Variants in CCBE1 observed in about 807,000 individuals in gnomAD.
The protein encoded by CCBE1 is collagen and calcium-binding EGF domain-containing protein 1.
In CCBE1, 37 loss-of-function variants were observed where a neutral mutation model predicts 50.0. The observed-to-expected ratio is 0.74, with a 90% CI of 0.57 to 0.97. The LOEUF (loss-of-function observed/expected upper bound fraction) is 0.97. Among genes scored for constraint, CCBE1 ranks in the 50% least tolerant of loss-of-function variants. The probability of loss-of-function intolerance (pLI) is 0.00; values close to 1 mark genes in which losing one functional copy is unlikely to be tolerated. For missense variants in CCBE1, 538 were observed against 523.8 expected (o/e 1.03, Z -0.26); for synonymous variants, 234 against 203.7 (o/e 1.15, Z -1.27).
intron 2 of CCBE1, among the ~76,000 whole-genome samples, chr18:59,648,950 A>G: frequency 6.6e-6 from 1 of 152,236 alleles, no homozygotes; most frequent in South Asian, 2.1e-4. Flanking sequence ...AATTGGTGTC[A>G]TCAGCTGATA....
At chr18:59,639,735 A>G (rs1198433425) in intron 2 of CCBE1, among the ~76,000 whole-genome samples, 1 of 152,246 alleles carries the variant, frequency 6.6e-6, no homozygotes, top group Admixed American at 6.5e-5. Context: ...TTTTATACCT[A>G]GAAACCCCCA....
intron 2 of CCBE1, among the ~76,000 whole-genome samples, chr18:59,517,374 C>T (rs1379357505): frequency 6.6e-6 from 1 of 152,184 alleles, no homozygotes; most frequent in African/African-American, 2.4e-5. Flanking sequence ...TTCCCTTTAA[C>T]TGGGGGAGAA....
At chr18:59,516,343 A>C (rs1302097142) in intron 2 of CCBE1, among the ~76,000 whole-genome samples, 1 of 152,186 alleles carries the variant, frequency 6.6e-6, no homozygotes, top group African/African-American at 2.4e-5. Context: ...CTCTTCAAAA[A>C]GACCTCTACT....
At chr18:59,586,208 T>C (rs1012044970) in intron 2 of CCBE1, among the ~76,000 whole-genome samples, 1 of 152,130 alleles carries the variant, frequency 6.6e-6, no homozygotes, top group African/African-American at 2.4e-5. Context: ...TCAAAGTTTT[T>C]AAAACAAAAG....
intron 2 of CCBE1, among the ~76,000 whole-genome samples, chr18:59,519,582 G>C (rs900792573): frequency 6.6e-6 from 1 of 152,204 alleles, no homozygotes. Flanking sequence ...TCCTTTGTCA[G>C]ATGAATAGAT....
intron 2 of CCBE1, among the ~76,000 whole-genome samples, chr18:59,636,648 G>A (rs889600432): frequency 6.6e-6 from 1 of 152,172 alleles, no homozygotes; most frequent in Non-Finnish European, 1.5e-5. Context: ...AACATTTATA[G>A]AGAAACAAAA....
At chr18:59,659,722 G>A (rs911975453) in intron 2 of CCBE1, among the ~76,000 whole-genome samples, 2 of 152,186 alleles carry the variant, frequency 1.3e-5, no homozygotes, top group Non-Finnish European at 2.9e-5. Context: ...ACGTAGCTAT[G>A]TCATACATAG....
chr18:59,643,972 C>G (rs1000768437), intron 2 of CCBE1, among the ~76,000 whole-genome samples: 5 of 152,198 alleles, frequency 3.3e-5, no homozygotes, highest in African/African-American at 1.2e-4. Context: ...CTCTCCCCCA[C>G]CTCTGGAGCC....
intron 7 of CCBE1, among the ~76,000 whole-genome samples, chr18:59,446,821 T>A (rs1423119986): frequency 6.6e-6 from 1 of 152,202 alleles, no homozygotes; most frequent in Admixed American, 6.5e-5. Flanking sequence ...TACTGTTTTA[T>A]TCTATTTGCA....
chr18:59,607,057 G>GAAAAA (rs59954169), intron 2 of CCBE1, among the ~76,000 whole-genome samples: 2 of 117,374 alleles, frequency 1.7e-5, no homozygotes, highest in South Asian at 2.7e-4. Flanking sequence ...GTTGAATTGG[G>GAAAAA]AAAAAAAAAA....
At chr18:59,523,400 G>T (rs1003419339) in intron 2 of CCBE1, among the ~76,000 whole-genome samples, 1 of 150,650 alleles carries the variant, frequency 6.6e-6, no homozygotes, top group Non-Finnish European at 1.5e-5. Flanking sequence ...TTCTTACTGG[G>T]TAGGTAGTCT....
intron 2 of CCBE1, among the ~76,000 whole-genome samples, chr18:59,618,721 C>T (rs2053671115): frequency 6.6e-6 from 1 of 152,142 alleles, no homozygotes; most frequent in African/African-American, 2.4e-5. Context: ...AGCCACCACA[C>T]CCGGCCTAGA....
intron 2 of CCBE1, among the ~76,000 whole-genome samples, chr18:59,622,673 C>T (rs148513947): frequency 1.2e-3 from 184 of 147,538 alleles, no homozygotes; most frequent in African/African-American, 4.4e-3. Context: ...TGGTGGCATG[C>T]GCCTATAATC....
chr18:59,657,247 G>T, intron 2 of CCBE1, among the ~76,000 whole-genome samples: 1 of 152,242 alleles, frequency 6.6e-6, no homozygotes, highest in East Asian at 1.9e-4. Flanking sequence ...GGGTAGAGAA[G>T]AAGGTGTCAG....
intron 2 of CCBE1, among the ~76,000 whole-genome samples, chr18:59,622,522 G>T (rs62094366): frequency 6.9e-6 from 1 of 145,006 alleles, no homozygotes; most frequent in East Asian, 2.1e-4. Context: ...AAAAAAAAAG[G>T]CTGGGCATGG....
chr18:59,568,792 T>C (rs1024109759), intron 2 of CCBE1, among the ~76,000 whole-genome samples: 2 of 152,218 alleles, frequency 1.3e-5, no homozygotes, highest in African/African-American at 4.8e-5. Context: ...CCTGGACACC[T>C]CTGCCCATCT....
At chr18:59,511,870 C>T (rs1009253105) in intron 2 of CCBE1, among the ~76,000 whole-genome samples, 1 of 152,152 alleles carries the variant, frequency 6.6e-6, no homozygotes, top group Admixed American at 6.5e-5. Context: ...CAAAAAGAGG[C>T]AAAATGGAAC....
rs1212122616 is a variant in CCBE1, at chr18:59,697,301, G to A, written c.42C>T (p.Gly14=). 20 of 1,549,040 alleles carry A rather than the reference G, an allele frequency of 1.3e-5. No individual in the cohort carries two copies. ...GCGGACCCAGGCTCCTGCCCAGCTG[G>A]CCCCTGGCAGCTCCTCCCCGGCTCG... The part of the protein sequence containing the change: ...PPPSRGGAAR[G]QLGRSLGPLL... Residue 14 remains glycine, a synonymous_variant, in exon 1 of 11, where the codon GGC becomes GGT. Coordinates refer to ENST00000439986, the MANE Select transcript of CCBE1 (RefSeq NM_133459.4).
intron 2 of CCBE1, among the ~76,000 whole-genome samples, chr18:59,690,259 A>G (rs569581168): frequency 6.6e-5 from 10 of 152,342 alleles, no homozygotes; most frequent in African/African-American, 9.6e-5. Context: ...GCTAATTAAA[A>G]CACTATTTAA....
Sources: gnomAD v4.1 joint callset for allele counts (sites outside exome capture counted in the v4.1 genomes callset) on GRCh38, gnomAD v4.1.1 for gene constraint, MANE v1.5 for transcripts, NCBI Gene and HGNC (gene_info 2026-07-23, HGNC 2026-07-21) for gene names.